The following FGD5 variants were observed in gnomAD, a reference collection of about 807,000 sequenced individuals.
The protein encoded by FGD5 is FYVE, RhoGEF and PH domain-containing protein 5.
In FGD5, 28 loss-of-function variants were observed where a neutral mutation model predicts 133.4. That is an observed-to-expected ratio of 0.21 (90% CI 0.16 to 0.29). FGD5 has a LOEUF of 0.29. Ranked by LOEUF, FGD5 falls within the 10% of genes least tolerant of loss-of-function variation. The pLI is 1.00. For synonymous variants in FGD5, 810 were observed against 776.5 expected (o/e 1.04, Z -0.72); for missense variants, 1,858 against 1,895.2 (o/e 0.98, Z 0.36).
At chr3:14,813,623 G>T (rs1250670500) in intron 1 of FGD5, among the ~76,000 whole-genome samples, 1 of 152,192 alleles carries the variant, frequency 6.6e-6, no homozygotes, top group Non-Finnish European at 1.5e-5. Flanking sequence ...GAAGGCTGTG[G>T]TCGGCCAGAG....
intron 10 of FGD5, among the ~76,000 whole-genome samples, chr3:14,907,997 C>T (rs2038371960): frequency 6.6e-6 from 1 of 152,182 alleles, no homozygotes; most frequent in South Asian, 2.1e-4. Flanking sequence ...GGAGAGGAAG[C>T]ACCAAATATT....
intron 9 of FGD5, among the ~76,000 whole-genome samples, chr3:14,906,113 T>C (rs293913): frequency 0.84 from 128,092 of 152,094 alleles, 54,139 homozygotes; most frequent in East Asian, 0.98. Context: ...TCTTTCATTC[T>C]TGCTCCATAT....
chr3:14,820,932 C>G lies in FGD5; in HGVS notation c.1861C>G (p.Leu621Val). ...SMVDIPPPFD[L>V]ACITKKPITK... ...GGTCGACATCCCACCTCCTTTCGAC[C>G]TGGCCTGCATCACCAAGAAGCCCAT... Residue 621 changes from leucine (L) to valine (V), a missense_variant, in exon 1 of 20, where the codon CTG becomes GTG. Around this residue, in one of 3 missense-constraint regions of FGD5, gnomAD observed 1,824 missense variants for 1,848.9 expected, o/e 0.99. Coordinates refer to ENST00000285046, the MANE Select transcript of FGD5 (RefSeq NM_152536.4). The G allele has an allele frequency of 6.2e-7, 1 of 1,613,922 alleles. No homozygotes were observed. Among genetic ancestry groups the G allele is most frequent in the African/African-American group, 1.3e-5 (1 of 75,026 alleles).
chr3:14,835,525 A>G (rs1431399370), intron 1 of FGD5, among the ~76,000 whole-genome samples: 1 of 151,972 alleles, frequency 6.6e-6, no homozygotes, highest in Non-Finnish European at 1.5e-5. Context: ...AGAAAAGAAA[A>G]GAAAGCTGCA....
Position 14,821,563 on chromosome 3 carries a change from G to A in FGD5, c.2492G>A (p.Ser831Asn), listed in dbSNP as rs2036503979. 6.2e-7 allele frequency: 1 copy of A among 1,611,216 alleles called. No individual in the cohort carries two copies. Among genetic ancestry groups the A allele is most frequent in the South Asian group, 1.1e-5 (1 of 90,808 alleles). Residue 831 changes from serine (S) to asparagine (N), a missense_variant, in exon 1 of 20, where the codon AGC becomes AAC. Around this residue, in one of 3 missense-constraint regions of FGD5, gnomAD observed 1,824 missense variants for 1,848.9 expected, o/e 0.99. Transcript: ENST00000285046. Reference sequence around the variant, plus strand: ...ATGAGCAGCTTCAACGCCTTTGAGAGCAAACAGCAGAGTGCAGACCAGGAC... The same window carrying A: ...ATGAGCAGCTTCAACGCCTTTGAGAACAAACAGCAGAGTGCAGACCAGGAC... ...VDMSSFNAFE[S>N]KQQSADQDAE... is the part of the protein sequence containing the mutation.
chr3:14,837,565 G>A (rs1325261169), intron 1 of FGD5, among the ~76,000 whole-genome samples: 1 of 152,164 alleles, frequency 6.6e-6, no homozygotes, highest in African/African-American at 2.4e-5. Flanking sequence ...TCTTTGGCCT[G>A]AGGACTACCG....
rs187813499 is a variant in FGD5, at chr3:14,820,833, G to A, written c.1762G>A (p.Val588Ile). The change falls in exon 1 of 20, where the codon GTA (valine) becomes ATA (isoleucine). Residue 588 changes from valine to isoleucine, a missense_variant. Physicochemically the swap from Val to Ile is conservative, Grantham distance 29. Transcript: ENST00000285046. ...AGAGGACAATCTCTCTCTGTCGTGT[G>A]TAATTGGCTCCTCTGGGAGTTTCTC... ...RKEDNLSLSC[V>I]IGSSGSFSQR... The A allele has an allele frequency of 8.7e-6, 14 of 1,613,870 alleles. No homozygotes were observed. Among genetic ancestry groups the A allele is most frequent in the South Asian group, 7.7e-5 (7 of 91,068 alleles).
chr3:14,834,999 A>G (rs2036787962), intron 1 of FGD5, among the ~76,000 whole-genome samples: 1 of 152,202 alleles, frequency 6.6e-6, no homozygotes, highest in Admixed American at 6.5e-5. Context: ...CAGGCAGGAA[A>G]ACTGAGGCTT....
At chr3:14,844,593 A>G (rs966838768) in intron 1 of FGD5, among the ~76,000 whole-genome samples, 1 of 152,074 alleles carries the variant, frequency 6.6e-6, no homozygotes, top group Admixed American at 6.5e-5. Context: ...AGGCAGAGGT[A>G]GGTTGCGGTG....
intron 4 of FGD5, among the ~76,000 whole-genome samples, chr3:14,894,674 ATTTT>A (rs55815625): frequency 1.6e-5 from 2 of 128,318 alleles, no homozygotes; most frequent in Non-Finnish European, 1.6e-5. Flanking sequence ...GGTCCAGCTA[ATTTT>A]TTTTTTTTTT....
rs375051384 is a variant in FGD5 at position 14,901,036 on chromosome 3, G to T, written c.3239G>T (p.Arg1080Leu). Residue 1080 changes from arginine (R) to leucine (L), a missense_variant, in exon 9 of 20, where the codon CGT becomes CTT. By Grantham distance (102) the Arg-to-Leu change is moderately radical. This residue lies in a region of FGD5 where 1,824 missense variants were observed against 1,848.9 expected (regional missense o/e 0.99). Transcript: ENST00000285046. The stretch of plus-strand genomic sequence containing the variant: ...AGCCTCATCTCCAAAGTCACAGACC[G>T]TGCCAACGACAGCATGGAGCAAGGG... ...ALSLISKVTDRANDSMEQGEN... is the reference protein window; with the variant it reads ...ALSLISKVTDLANDSMEQGEN... 3 of 1,613,876 alleles carry T rather than the reference G, an allele frequency of 1.9e-6. No homozygotes were observed. The highest frequency in any genetic ancestry group is 2.5e-6 in the Non-Finnish European group (3 of 1,179,888).
At position 14,821,471 on chromosome 3, in the gene FGD5, C is replaced by G; in HGVS notation, c.2400C>G (p.Phe800Leu). 6.2e-7 allele frequency: 1 copy of G among 1,614,016 alleles called. No homozygotes were observed. The highest frequency in any genetic ancestry group is 8.5e-7 in the Non-Finnish European group (1 of 1,179,902). ...PPRRPARAGA[F>L]TKLFEDQSRA... Reference sequence around the variant, plus strand: ...GGAGACCTGCCAGGGCTGGCGCGTTCACGAAGCTGTTTGAAGATCAGAGCA... The same window carrying G: ...GGAGACCTGCCAGGGCTGGCGCGTTGACGAAGCTGTTTGAAGATCAGAGCA... Residue 800 changes from phenylalanine to leucine, a missense_variant, in exon 1 of 20, where the codon TTC becomes TTG. Around this residue, in one of 3 missense-constraint regions of FGD5, gnomAD observed 1,824 missense variants for 1,848.9 expected, o/e 0.99. Coordinates refer to ENST00000285046, the MANE Select transcript of FGD5 (RefSeq NM_152536.4).
intron 4 of FGD5, chr3:14,882,196 A>AT (rs532664378): frequency 6.4e-3 from 3,914 of 607,986 alleles, no homozygotes; most frequent in Non-Finnish European, 7.4e-3. Context: ...TCAGTTTCCC[A>AT]TTTTTTTTTT....
intron 9 of FGD5, among the ~76,000 whole-genome samples, 164 bp from the exon 10 acceptor site, chr3:14,907,476 A>G (rs1246680782): frequency 6.6e-6 from 1 of 152,208 alleles, no homozygotes; most frequent in African/African-American, 2.4e-5. Context: ...CTGCAGACCC[A>G]GGCTCGGATC....
At chr3:14,908,423 GT>G (rs2038379849) in intron 10 of FGD5, among the ~76,000 whole-genome samples, 1 of 152,012 alleles carries the variant, frequency 6.6e-6, no homozygotes, top group Admixed American at 6.6e-5. Context: ...CTCCTCGTGG[GT>G]ACAAACCAAG....
intron 1 of FGD5, among the ~76,000 whole-genome samples, chr3:14,844,274 T>A (rs1192133502): frequency 1.3e-5 from 1 of 78,936 alleles, no homozygotes. Context: ...ATATATATAA[T>A]GCAGGTTTCC....
At chr3:14,924,811 C>A (rs2013496) in intron 17 of FGD5, among the ~76,000 whole-genome samples, 143,105 of 152,262 alleles carry the variant, frequency 0.94, 67,325 homozygotes, top group East Asian at 1. Flanking sequence ...TCTTGGAAAT[C>A]ACACATACGG....
chr3:14,846,097 G>C (rs1442338560), intron 1 of FGD5, among the ~76,000 whole-genome samples: 1 of 152,214 alleles, frequency 6.6e-6, no homozygotes, highest in East Asian at 1.9e-4. Flanking sequence ...CTTGTTTCAT[G>C]TCGGAATTAT....
chr3:14,861,237 C>T (rs9832563), intron 1 of FGD5, among the ~76,000 whole-genome samples: 1,654 of 152,120 alleles, frequency 0.011, 30 homozygotes, highest in African/African-American at 0.037. Flanking sequence ...AGAAAGCTGA[C>T]GTTTATTGAG....
Sources: allele counts gnomAD v4.1 joint callset (sites outside exome capture counted in the v4.1 genomes callset), GRCh38; gene constraint gnomAD v4.1.1; regional missense constraint gnomAD v4.1.1; transcripts MANE v1.5; gene names NCBI Gene and HGNC (gene_info 2026-07-23, HGNC 2026-07-21).